PRDM16: variants seen among roughly 807,000 people sequenced by gnomAD.
PRDM16 encodes PR/SET domain 16, also known as histone-lysine N-methyltransferase PRDM16.
A neutral mutation model predicts 110.6 loss-of-function variants in PRDM16; 23 were observed. The observed-to-expected ratio is 0.21, with a 90% confidence interval of 0.15 to 0.29. PRDM16 has a LOEUF of 0.29. PRDM16 is among the 10% of genes least tolerant of loss of function. The pLI, the probability that PRDM16 is intolerant of heterozygous loss-of-function variation, is 1.00. For missense variants in PRDM16, 1,615 were observed against 1,794.3 expected (o/e 0.90, Z 1.81); for synonymous variants, 799 against 781.8 (o/e 1.02, Z -0.37).
intron 1 of PRDM16, among the ~76,000 whole-genome samples, chr1:3,121,421 G>C (rs1478871878): frequency 1.3e-5 from 2 of 152,256 alleles, no homozygotes; most frequent in Non-Finnish European, 2.9e-5. Flanking sequence ...TCAGGACCGG[G>C]CTCAGAAAAG....
chr1:3,393,961 A>G (rs1252361562), intron 4 of PRDM16, among the ~76,000 whole-genome samples: 1 of 152,000 alleles, frequency 6.6e-6, no homozygotes, highest in African/African-American at 2.4e-5. Flanking sequence ...GTCCAGGGCC[A>G]GGGAGGGGGA....
intron 1 of PRDM16, among the ~76,000 whole-genome samples, chr1:3,074,390 G>A (rs536144921): frequency 1.6e-4 from 24 of 152,248 alleles, no homozygotes; most frequent in African/African-American, 5.5e-4. Flanking sequence ...ACAGGCTGCC[G>A]TTAATTCCAT....
At chr1:3,318,504 TATTG>T (rs1641664187) in intron 3 of PRDM16, among the ~76,000 whole-genome samples, 1 of 152,220 alleles carries the variant, frequency 6.6e-6, no homozygotes, top group African/African-American at 2.4e-5. Context: ...TTCTACCATC[TATTG>T]ATTGTTGATT....
At chr1:3,315,813 C>T (rs1467697152) in intron 3 of PRDM16, among the ~76,000 whole-genome samples, 2 of 152,134 alleles carry the variant, frequency 1.3e-5, no homozygotes, top group Admixed American at 6.5e-5. Context: ...CGGAGACTCC[C>T]ACAGGTCACT....
intron 1 of PRDM16, among the ~76,000 whole-genome samples, chr1:3,181,242 A>AAG (rs1553140938): frequency 2.4e-5 from 3 of 123,796 alleles, no homozygotes; most frequent in Admixed American, 1.6e-4. Context: ...GGTCTTACAC[A>AAG]CAGTCTTACA....
intron 3 of PRDM16, among the ~76,000 whole-genome samples, chr1:3,287,321 G>A (rs1365952579): frequency 8.0e-5 from 9 of 113,154 alleles, no homozygotes; most frequent in East Asian, 2.5e-4. Context: ...GAGCCGCCCC[G>A]CCACGCGGGC....
At chr1:3,299,836 C>G (rs1321581078) in intron 3 of PRDM16, among the ~76,000 whole-genome samples, 17 of 66,254 alleles carry the variant, frequency 2.6e-4, no homozygotes, top group African/African-American at 7.6e-4. Context: ...GTTGAAGATG[C>G]TATGCTGTGG....
At chr1:3,417,516 C>T (rs541143246) in intron 10 of PRDM16, among the ~76,000 whole-genome samples, 2 of 152,374 alleles carry the variant, frequency 1.3e-5, no homozygotes, top group East Asian at 3.9e-4. Context: ...TAAACATCAG[C>T]TACCTGTATC....
rs1640256315 is a variant in PRDM16, at chr1:3,265,086, A to AG, written c.438+20950dup. 1.3e-5 allele frequency among the ~76,000 whole-genome samples: 2 copies of AG among 151,880 alleles called. No individual in the cohort carries two copies. The highest frequency in any genetic ancestry group is 4.8e-5 in the African/African-American group (2 of 41,326). ...TGACCCAGGGCCCAGGAGGGAGGGG[A>AG]GACCAGCAGGGAGGCGGGAGGCAGC... On this transcript the variant is annotated intron_variant, in intron 3 of 16. Transcript: ENST00000270722. This position sits in a 1 kb window ranked among gnomAD's most constrained non-coding sequence, Gnocchi z 4.5.
Position 3,069,366 on chromosome 1 carries a change from G to A in PRDM16, c.37+70G>A, listed in dbSNP as rs1641684231. On this transcript the variant is annotated intron_variant, in intron 1 of 16. Transcript: ENST00000270722. The surrounding 1 kb of genome is among the most constrained non-coding windows in gnomAD (Gnocchi z 6.1). ...CCGCCGGGCCGGGGCGCCCGGGCCA[G>A]GGGTGCGCGTCGGGGCGCGGCCGGC... 1 of 726,070 alleles carries A rather than the reference G, an allele frequency of 1.4e-6. No individual in the cohort carries two copies. Among genetic ancestry groups the A allele is most frequent in the Non-Finnish European group, 1.7e-6 (1 of 595,552 alleles). The allele number at this position is 726,070 out of a possible 1,614,324, so 45.0% of individuals were successfully genotyped here.
rs1639785402 is a variant in PRDM16, at chr1:3,246,124, G to A, written c.438+1987G>A. On this transcript the variant is annotated intron_variant, in intron 3 of 16. Coordinates refer to ENST00000270722, the MANE Select transcript of PRDM16 (RefSeq NM_022114.4). The surrounding 1 kb of genome is among the most constrained non-coding windows in gnomAD (Gnocchi z 5.2). Reference sequence around the variant, plus strand: ...TTCTGAACCAGAACGAACTAGGACAGAAGGAGGGTGAAGTGGGCGCCGCCT... The same window carrying A: ...TTCTGAACCAGAACGAACTAGGACAAAAGGAGGGTGAAGTGGGCGCCGCCT... Among the ~76,000 whole-genome samples, 1 of 152,222 alleles carries A rather than the reference G, an allele frequency of 6.6e-6. No homozygotes were observed. Among genetic ancestry groups the A allele is most frequent in the South Asian group, 2.1e-4 (1 of 4,832 alleles).
rs532623381 is a variant in PRDM16, at chr1:3,412,425, G to C, written c.2228G>C (p.Arg743Pro). The C allele has an allele frequency of 6.2e-7, 1 of 1,611,920 alleles. No individual in the cohort carries two copies. The highest frequency in any genetic ancestry group is 2.2e-5 in the East Asian group (1 of 44,806). The change falls in exon 9 of 17, where the codon CGA becomes CCA. Residue 743 changes from arginine to proline, a missense_variant. Coordinates refer to ENST00000270722, the MANE Select transcript of PRDM16 (RefSeq NM_022114.4). ...CACTCCCTTTACCCCTTCACGGACC[G>C]AGCCCTCGCCCACAACTTGCTGGTC... The part of the protein sequence containing the change: ...FPHSLYPFTD[R>P]ALAHNLLVKA...
Position 3,316,726 on chromosome 1 carries a change from T to C in PRDM16, c.439-68426T>C, listed in dbSNP as rs565470098. 1.3e-3 allele frequency among the ~76,000 whole-genome samples: 190 copies of C among 150,388 alleles called. 1 individual carries two copies. The highest frequency in any genetic ancestry group is 2.7e-3 in the South Asian group (13 of 4,784). ...GTGACATAGTGGAGCCAGGAAACAG[T>C]GACACGGTGTAGGCAGGAAACAGTG... On this transcript the variant is annotated intron_variant, in intron 3 of 16. Coordinates refer to ENST00000270722, the MANE Select transcript of PRDM16 (RefSeq NM_022114.4).
chr1:3,336,177 C>A (rs535725911), intron 3 of PRDM16, among the ~76,000 whole-genome samples: 1 of 152,158 alleles, frequency 6.6e-6, no homozygotes, highest in Non-Finnish European at 1.5e-5. Context: ...GCCAAGATAG[C>A]GGGGGACATG....
At position 3,425,668 on chromosome 1, in the gene PRDM16, G is replaced by A; in HGVS notation, c.3027G>A (p.Lys1009=). The change falls in exon 13 of 17, where the codon AAG becomes AAA. Residue 1009 remains lysine (K), a synonymous_variant. Transcript: ENST00000270722. This position sits in a 1 kb window ranked among gnomAD's most constrained non-coding sequence, Gnocchi z 6.9. ...RNIHNKEKPF[K]CHLCNRCFGQ... ...TCCACAACAAGGAGAAGCCTTTCAA[G>A]TGCCACCTGTGCAACCGCTGCTTCG... 1 of 1,613,966 alleles carries A rather than the reference G, an allele frequency of 6.2e-7. No individual in the cohort carries two copies. The highest frequency in any genetic ancestry group is 8.5e-7 in the Non-Finnish European group (1 of 1,179,958).
intron 1 of PRDM16, among the ~76,000 whole-genome samples, chr1:3,075,352 CT>C (rs1375659175): frequency 6.6e-6 from 1 of 152,242 alleles, no homozygotes; most frequent in African/African-American, 2.4e-5. Context: ...ATCTTGCCGG[CT>C]GCAATTTATT....
At chr1:3,096,294 G>C (rs1642398021) in intron 1 of PRDM16, among the ~76,000 whole-genome samples, 1 of 152,078 alleles carries the variant, frequency 6.6e-6, no homozygotes, top group South Asian at 2.1e-4. Flanking sequence ...CCTCCTCGCT[G>C]TCCTGTCCTC....
intron 1 of PRDM16, among the ~76,000 whole-genome samples, chr1:3,135,028 C>T (rs1643408519): frequency 1.3e-5 from 2 of 152,106 alleles, no homozygotes; most frequent in South Asian, 4.1e-4. Flanking sequence ...GTGCTGCTGC[C>T]CCCGGGTCAG....
intron 3 of PRDM16, among the ~76,000 whole-genome samples, chr1:3,322,236 T>G (rs943067832): frequency 2.0e-5 from 3 of 152,018 alleles, no homozygotes; most frequent in Non-Finnish European, 2.9e-5. Context: ...CGTGTGTGTG[T>G]GGGTGGCAGT....
Sources: allele counts gnomAD v4.1 joint callset (sites outside exome capture counted in the v4.1 genomes callset), GRCh38; gene constraint gnomAD v4.1.1; non-coding constraint Gnocchi (gnomAD v3.1); transcripts MANE v1.5; gene names NCBI Gene and HGNC (gene_info 2026-07-23, HGNC 2026-07-21).